Variants in MDGA2 observed in about 807,000 individuals in gnomAD.
MDGA2 encodes MAM domain-containing glycosylphosphatidylinositol anchor protein 2.
A neutral mutation model predicts 117.8 loss-of-function variants in MDGA2; 40 were observed. The observed-to-expected ratio is 0.34, with a 90% CI of 0.26 to 0.44. MDGA2 has a LOEUF of 0.44. Ranked by LOEUF, MDGA2 falls within the 20% of genes least tolerant of loss-of-function variation. The pLI, the probability that MDGA2 is intolerant of heterozygous loss-of-function variation, is 1.00. For synonymous variants in MDGA2, 452 were observed against 439.0 expected (o/e 1.03, Z -0.37); for missense variants, 1,123 against 1,250.6 (o/e 0.90, Z 1.54).
intron 9 of MDGA2, among the ~76,000 whole-genome samples, chr14:46,946,467 G>C (rs1157989570): frequency 6.6e-6 from 1 of 151,966 alleles, no homozygotes; most frequent in African/African-American, 2.4e-5. Context: ...AACTGATATT[G>C]CACTTGAGTT....
intron 1 of MDGA2, among the ~76,000 whole-genome samples, chr14:47,370,468 GTTTTTTTTTTTT>G (rs67255552): frequency 7.3e-4 from 15 of 20,682 alleles, no homozygotes; most frequent in African/African-American, 1.7e-3. Context: ...TCTACTTACT[GTTTTTTTTTTTT>G]TTTTTTTTTT....
chr14:46,872,040 A>ACATATT (rs1882025161), intron 14 of MDGA2: 1 of 179,182 alleles, frequency 5.6e-6, no homozygotes. Flanking sequence ...TAGGCTTGTC[A>ACATATT]GTATACTGTG....
At chr14:47,656,702 G>GT (rs1408367841) in intron 1 of MDGA2, among the ~76,000 whole-genome samples, 5 of 152,104 alleles carry the variant, frequency 3.3e-5, no homozygotes, top group Non-Finnish European at 7.4e-5. Flanking sequence ...TGTAGACAAT[G>GT]TTATTGTCCC....
intron 1 of MDGA2, among the ~76,000 whole-genome samples, chr14:47,305,567 GA>G (rs1192204028): frequency 6.6e-6 from 1 of 152,162 alleles, no homozygotes; most frequent in Non-Finnish European, 1.5e-5. Context: ...TCACTCTGGA[GA>G]AATAGTACAA....
At chr14:47,671,492 C>T (rs577651461) in intron 1 of MDGA2, among the ~76,000 whole-genome samples, 3 of 152,172 alleles carry the variant, frequency 2.0e-5, no homozygotes, top group Non-Finnish European at 4.4e-5. Context: ...TGACATAGTT[C>T]TCAATCATGT....
chr14:47,235,954 G>C (rs1341207626), intron 2 of MDGA2, among the ~76,000 whole-genome samples: 1 of 152,052 alleles, frequency 6.6e-6, no homozygotes, highest in Non-Finnish European at 1.5e-5. Flanking sequence ...ATGCCAATGC[G>C]TGGGTCCAAG....
At chr14:47,652,134 T>C (rs1057148672) in intron 1 of MDGA2, among the ~76,000 whole-genome samples, 2 of 152,192 alleles carry the variant, frequency 1.3e-5, no homozygotes, top group African/African-American at 4.8e-5. Flanking sequence ...GGATCTTGAT[T>C]ACTCGTGATT....
intron 7 of MDGA2, among the ~76,000 whole-genome samples, chr14:47,049,588 T>C (rs1208085720): frequency 3.3e-5 from 5 of 152,010 alleles, no homozygotes; most frequent in Non-Finnish European, 5.9e-5. Context: ...CATATGCAGT[T>C]TTGTTACATG....
intron 1 of MDGA2, among the ~76,000 whole-genome samples, chr14:47,610,190 T>C (rs767532490): frequency 3.3e-5 from 5 of 152,174 alleles, no homozygotes; most frequent in African/African-American, 4.8e-5. Context: ...AAGTCATCTA[T>C]GACAAACTCA....
intron 1 of MDGA2, among the ~76,000 whole-genome samples, chr14:47,387,174 A>T (rs1021526240): frequency 1.3e-5 from 2 of 152,028 alleles, no homozygotes; most frequent in Non-Finnish European, 2.9e-5. Flanking sequence ...AACGTTAAGG[A>T]TCTCTCTAAC....
intron 9 of MDGA2, among the ~76,000 whole-genome samples, chr14:46,947,388 T>C (rs975415768): frequency 3.3e-5 from 5 of 152,060 alleles, no homozygotes; most frequent in African/African-American, 1.2e-4. Context: ...TCATTTAAAT[T>C]TATCAGAGCA....
intron 1 of MDGA2, among the ~76,000 whole-genome samples, chr14:47,326,049 T>TG (rs1175435597): frequency 5.3e-5 from 8 of 152,114 alleles, no homozygotes; most frequent in Non-Finnish European, 1.2e-4. Flanking sequence ...TAATCTAAGA[T>TG]GACAGCAATG....
chr14:47,251,878 TA>T (rs1887457589), intron 2 of MDGA2, among the ~76,000 whole-genome samples: 1 of 152,146 alleles, frequency 6.6e-6, no homozygotes, highest in African/African-American at 2.4e-5. Context: ...TTGTTCCAAC[TA>T]AAAAATAGGG....
Position 47,034,936 on chromosome 14 carries a change from A to G in MDGA2, c.1819+75T>C. On this transcript the variant is annotated intron_variant, in intron 8 of 16. Coordinates refer to ENST00000399232, the MANE Select transcript of MDGA2 (RefSeq NM_001113498.3). ...TCAATCTAGTTACAAAAATCACCTC[A>G]TATTAATAGTAGAATAATGGTAACA... The G allele has an allele frequency of 3.0e-6, 4 of 1,346,678 alleles. No homozygotes were observed. In the South Asian group the frequency reaches 5.5e-5, roughly 19 times the overall value. The allele number at this position is 1,346,678 out of a possible 1,614,324, so 83.4% of individuals were successfully genotyped here.
intron 8 of MDGA2, among the ~76,000 whole-genome samples, chr14:46,966,080 G>C (rs952644862): frequency 6.6e-6 from 1 of 151,162 alleles, no homozygotes; most frequent in Admixed American, 6.6e-5. Context: ...GTATACTGAA[G>C]GATGATTATA....
At chr14:47,583,909 G>C (rs574279990) in intron 1 of MDGA2, among the ~76,000 whole-genome samples, 1 of 151,686 alleles carries the variant, frequency 6.6e-6, no homozygotes, top group East Asian at 1.9e-4. Flanking sequence ...GTTATGTAAA[G>C]GGAAGACAAT....
At chr14:47,576,731 A>G (rs939714291) in intron 1 of MDGA2, among the ~76,000 whole-genome samples, 1 of 152,162 alleles carries the variant, frequency 6.6e-6, no homozygotes, top group Non-Finnish European at 1.5e-5. Flanking sequence ...CAAAAATCTA[A>G]GATATATTTT....
intron 8 of MDGA2, among the ~76,000 whole-genome samples, chr14:46,982,418 A>T (rs1222734888): frequency 6.6e-6 from 1 of 152,004 alleles, no homozygotes; most frequent in Non-Finnish European, 1.5e-5. Context: ...TTCCTTTAAA[A>T]AACAAATGCT....
chr14:47,087,729 G>GA (rs1890956613), intron 6 of MDGA2, among the ~76,000 whole-genome samples: 1 of 147,240 alleles, frequency 6.8e-6, no homozygotes, highest in African/African-American at 2.5e-5. Context: ...CACAACAAAG[G>GA]AAAAAATGCT....
Sources: allele counts gnomAD v4.1 joint callset (sites outside exome capture counted in the v4.1 genomes callset), GRCh38; gene constraint gnomAD v4.1.1; transcripts MANE v1.5; gene names NCBI Gene and HGNC (gene_info 2026-07-23, HGNC 2026-07-21).